The following HDLBP variants were observed in gnomAD, a reference collection of about 807,000 sequenced individuals.
The protein encoded by HDLBP is vigilin.
Under a neutral mutation model 137.3 loss-of-function variants are expected in HDLBP, and 30 were observed. That is an observed-to-expected ratio of 0.22 (90% CI 0.16 to 0.30). The LOEUF (loss-of-function observed/expected upper bound fraction) is 0.30. Ranked by LOEUF, HDLBP falls within the 10% of genes least tolerant of loss-of-function variation. The pLI is 1.00. For synonymous variants in HDLBP, 606 were observed against 596.0 expected (o/e 1.02, Z -0.24); for missense variants, 1,119 against 1,667.3 (o/e 0.67, Z 5.73).
chr2:241,259,095 T>C (rs1013392206), intron 5 of HDLBP, among the ~76,000 whole-genome samples: 6 of 152,188 alleles, frequency 3.9e-5, no homozygotes, highest in African/African-American at 1.4e-4. Flanking sequence ...AAAGCCTGGG[T>C]AAATTACAGT....
In HDLBP at chr2:241,276,806, T is replaced by A. The variant is rs572536238; in HGVS notation, c.-102-8265A>T. ...AACATATAAAGTAAAAACTGAAGGT[T>A]ACTAGGAGAAATTGATATATCCAAG... On this transcript the variant is annotated intron_variant, in intron 1 of 27. Coordinates refer to ENST00000310931, the MANE Select transcript of HDLBP (RefSeq NM_005336.6). 3.3e-5 allele frequency among the ~76,000 whole-genome samples: 5 copies of A among 152,254 alleles called. No individual in the cohort carries two copies. The South Asian group carries it at 1.0e-3, about 32-fold the overall frequency.
chr2:241,254,175 G>A (rs1043141683), intron 9 of HDLBP, among the ~76,000 whole-genome samples: 16 of 152,120 alleles, frequency 1.1e-4, no homozygotes, highest in Middle Eastern at 3.4e-3. Context: ...TGAGACGAGC[G>A]GATCACTTGA....
At chr2:241,311,275 C>T (rs930511531) in intron 1 of HDLBP, among the ~76,000 whole-genome samples, 1 of 152,212 alleles carries the variant, frequency 6.6e-6, no homozygotes, top group Non-Finnish European at 1.5e-5. Context: ...AACTTAGAGA[C>T]CGCGGAGCAA....
At chr2:241,308,032 A>T (rs996315863) in intron 1 of HDLBP, among the ~76,000 whole-genome samples, 1 of 152,360 alleles carries the variant, frequency 6.6e-6, no homozygotes, top group East Asian at 1.9e-4. Flanking sequence ...CCCACCTCCC[A>T]AAGAGTTTAA....
At chr2:241,257,560 A>G (rs1407246222) in intron 5 of HDLBP, among the ~76,000 whole-genome samples, 2 of 152,236 alleles carry the variant, frequency 1.3e-5, no homozygotes, top group Non-Finnish European at 2.9e-5. Flanking sequence ...GAAAAAAGGA[A>G]AAAAGAAAAA....
intron 23 of HDLBP, among the ~76,000 whole-genome samples, chr2:241,234,873 A>G (rs774448962): frequency 3.0e-4 from 45 of 152,196 alleles, no homozygotes; most frequent in Admixed American, 6.5e-5. Flanking sequence ...TGGTTTTGAG[A>G]GAAACTGCAA....
At chr2:241,231,572 C>T (rs1304228483) in intron 24 of HDLBP, among the ~76,000 whole-genome samples, 2 of 152,092 alleles carry the variant, frequency 1.3e-5, no homozygotes, top group East Asian at 3.9e-4. Context: ...AAGACAAAGC[C>T]CCAAGCCCCT....
Position 241,255,546 on chromosome 2 carries a change from T to C in HDLBP, c.908A>G (p.Lys303Arg), listed in dbSNP as rs1352895994. ...AATGACATACTTGTGTTGGGATTTC[T>C]TCACTTCCACTGCAATGGTTGTAGT... The part of the protein sequence containing the change: ...KKTTTIAVEV[K>R]KSQHKYVIGP... Residue 303 changes from lysine (K) to arginine (R), a missense_variant, in exon 8 of 28, where the codon AAG becomes AGG. Transcript: ENST00000310931. The C allele has an allele frequency of 6.2e-7, 1 of 1,614,072 alleles. No individual in the cohort carries two copies. Among genetic ancestry groups the C allele is most frequent in the South Asian group, 1.1e-5 (1 of 91,084 alleles).
intron 15 of HDLBP, 49 bp from the exon 16 acceptor site, chr2:241,246,932 G>A: frequency 6.2e-7 from 1 of 1,608,968 alleles, no homozygotes; most frequent in African/African-American, 1.3e-5. Context: ...CTCTCCCAGA[G>A]TTGAGACACA....
intron 1 of HDLBP, among the ~76,000 whole-genome samples, chr2:241,278,106 T>C (rs1323490794): frequency 1.3e-5 from 2 of 152,198 alleles, no homozygotes; most frequent in East Asian, 3.8e-4. Flanking sequence ...TAGGTGAATC[T>C]CACCTAGGTA....
intron 1 of HDLBP, among the ~76,000 whole-genome samples, chr2:241,269,932 C>A (rs2073933747): frequency 6.6e-6 from 1 of 152,162 alleles, no homozygotes. Context: ...TGGTCTCTCA[C>A]TCAAGGTTGT....
intron 1 of HDLBP, among the ~76,000 whole-genome samples, chr2:241,296,790 TAAC>T (rs1274015959): frequency 6.6e-6 from 1 of 151,988 alleles, no homozygotes; most frequent in African/African-American, 2.4e-5. Flanking sequence ...TAGAAACACA[TAAC>T]AAAAAATAGA....
chr2:241,235,047 T>C (rs1013130990), intron 23 of HDLBP, 74 bp downstream of exon 23: 62 of 1,557,282 alleles, frequency 4.0e-5, no homozygotes, highest in Admixed American at 6.9e-5. Context: ...CCTGAAGAAC[T>C]TCCCTAGATT....
intron 1 of HDLBP, chr2:241,280,129 C>T: frequency 4.1e-6 from 4 of 985,014 alleles, no homozygotes; most frequent in Non-Finnish European, 4.8e-6. Flanking sequence ...GCACAATTTG[C>T]ACTCCCATAC....
intron 11 of HDLBP, among the ~76,000 whole-genome samples, chr2:241,251,725 A>G (rs62186369): frequency 0.11 from 17,264 of 152,314 alleles, 1,245 homozygotes; most frequent in Non-Finnish European, 0.15. Context: ...CTGTAATCCC[A>G]GCACTTTGGG....
intron 5 of HDLBP, among the ~76,000 whole-genome samples, chr2:241,258,932 A>G (rs2072935049): frequency 6.6e-6 from 1 of 152,190 alleles, no homozygotes; most frequent in Non-Finnish European, 1.5e-5. Context: ...CCGATTCCAC[A>G]TGCAGCCACC....
chr2:241,236,803 C>A, intron 20 of HDLBP, 34 bp from the exon 21 acceptor site: 1 of 1,607,934 alleles, frequency 6.2e-7, no homozygotes, highest in Non-Finnish European at 8.5e-7. Flanking sequence ...CAGCTGACAG[C>A]TGCTGGAAGA....
At chr2:241,244,594 T>G (rs1192056491) in intron 16 of HDLBP, among the ~76,000 whole-genome samples, 1 of 152,082 alleles carries the variant, frequency 6.6e-6, no homozygotes, top group Non-Finnish European at 1.5e-5. Flanking sequence ...AAACAGCTTT[T>G]CGAAAGTGAA....
At chr2:241,299,242 C>T (rs895755914) in intron 1 of HDLBP, among the ~76,000 whole-genome samples, 2 of 151,924 alleles carry the variant, frequency 1.3e-5, no homozygotes, top group African/African-American at 4.8e-5. Context: ...ACCCTAAGGC[C>T]GGGCGCGGTG....
Sources: gnomAD v4.1 joint callset for allele counts (sites outside exome capture counted in the v4.1 genomes callset) on GRCh38, gnomAD v4.1.1 for gene constraint, MANE v1.5 for transcripts, NCBI Gene and HGNC (gene_info 2026-07-23, HGNC 2026-07-21) for gene names.